Variants in MYO16 observed in about 807,000 individuals in gnomAD.
MYO16 encodes the protein unconventional myosin-XVI.
MYO16 carries 94 observed loss-of-function variants against 205.3 expected under a neutral mutation model. That is an observed-to-expected ratio of 0.46 (90% CI 0.39 to 0.54). The LOEUF is 0.54. MYO16 is among the 20% of genes least tolerant of loss of function. The pLI, the probability that MYO16 is intolerant of heterozygous loss-of-function variation, is 0.00. For synonymous variants in MYO16, 988 were observed against 954.0 expected (o/e 1.04, Z -0.66); for missense variants, 2,315 against 2,387.5 (o/e 0.97, Z 0.63).
intron 1 of MYO16, among the ~76,000 whole-genome samples, chr13:108,652,060 A>T (rs1881029930): frequency 6.6e-6 from 1 of 152,084 alleles, no homozygotes; most frequent in Non-Finnish European, 1.5e-5. Flanking sequence ...CAGTAAAAAA[A>T]AAGTCTTTGG....
chr13:108,966,773 G>C (rs552756099), intron 20 of MYO16, among the ~76,000 whole-genome samples: 2 of 152,184 alleles, frequency 1.3e-5, no homozygotes, highest in East Asian at 1.9e-4. Context: ...TGCAAGAAAA[G>C]GTTATATTTG....
intron 4 of MYO16, among the ~76,000 whole-genome samples, chr13:108,775,142 A>G (rs1886085515): frequency 1.3e-5 from 2 of 152,202 alleles, no homozygotes; most frequent in Admixed American, 1.3e-4. Context: ...CATGAAATTA[A>G]CATCAGCGTG....
At chr13:108,588,652 A>T in the MYO16 span, among the ~76,000 whole-genome samples, 3 of 152,088 alleles carry the variant, frequency 2.0e-5, no homozygotes, top group African/African-American at 7.2e-5. Context: ...TTTGGGAGTC[A>T]TTCATGGTTG....
chr13:108,765,597 A>T (rs760428197), intron 4 of MYO16, among the ~76,000 whole-genome samples: 1 of 152,192 alleles, frequency 6.6e-6, no homozygotes, highest in Non-Finnish European at 1.5e-5. Context: ...TTCTGTCTGC[A>T]GTATGGAGGA....
At chr13:109,000,042 T>C (rs1885162126) in intron 21 of MYO16, among the ~76,000 whole-genome samples, 1 of 152,126 alleles carries the variant, frequency 6.6e-6, no homozygotes, top group African/African-American at 2.4e-5. Context: ...CATTGTAGAG[T>C]ACCAGGATGA....
At chr13:108,831,613 A>T (rs1399749735) in intron 9 of MYO16, among the ~76,000 whole-genome samples, 1 of 152,134 alleles carries the variant, frequency 6.6e-6, no homozygotes, top group African/African-American at 2.4e-5. Context: ...CCTGGGTTCA[A>T]GCGATTCTCT....
At chr13:108,959,847 A>G (rs1428991742) in intron 17 of MYO16, among the ~76,000 whole-genome samples, 2 of 152,234 alleles carry the variant, frequency 1.3e-5, no homozygotes, top group Non-Finnish European at 1.5e-5. Flanking sequence ...TGTAATGCAC[A>G]TTATAGCTAT....
intron 3 of MYO16, among the ~76,000 whole-genome samples, chr13:108,716,814 G>A (rs1314086168): frequency 6.6e-6 from 1 of 152,168 alleles, no homozygotes; most frequent in Non-Finnish European, 1.5e-5. Flanking sequence ...GCTATTAAAG[G>A]TAGATATTTG....
intron 11 of MYO16, among the ~76,000 whole-genome samples, chr13:108,860,193 A>T (rs1264138662): frequency 6.9e-6 from 1 of 145,960 alleles, no homozygotes; most frequent in Non-Finnish European, 1.5e-5. Context: ...GGCCCTGGTG[A>T]CTACCGTTTC....
chr13:108,675,154 A>G (rs1882146588), intron 2 of MYO16, among the ~76,000 whole-genome samples: 4 of 152,226 alleles, frequency 2.6e-5, no homozygotes, highest in Admixed American at 2.6e-4. Flanking sequence ...TGGGGCAGCT[A>G]CAAGGTACAA....
At chr13:109,135,873 A>G (rs1876751478) in intron 31 of MYO16, among the ~76,000 whole-genome samples, 1 of 152,236 alleles carries the variant, frequency 6.6e-6, no homozygotes, top group Admixed American at 6.5e-5. Context: ...AGTGCCCTTG[A>G]TATTCTTAGA....
rs776772475 is a variant in MYO16 at position 108,888,426 on chromosome 13, C to T, written c.1608C>T (p.Leu536=). 2.5e-6 allele frequency: 4 copies of T among 1,612,436 alleles called. No individual in the cohort carries two copies. Among genetic ancestry groups the T allele is most frequent in the Non-Finnish European group, 3.4e-6 (4 of 1,179,466 alleles). ...CCAGCAAACAAATCATAAGACACCT[C>T]ACCTGCAGGGCTGGCGCCAGCAGGG... ...SEASKQIIRH[L]TCRAGASRAT... Residue 536 remains leucine (L), a synonymous_variant, in exon 14 of 35, where the codon CTC becomes CTT. Transcript: ENST00000457511.
At chr13:108,882,251 T>G (rs1043477718) in intron 12 of MYO16, among the ~76,000 whole-genome samples, 1 of 152,338 alleles carries the variant, frequency 6.6e-6, no homozygotes, top group East Asian at 1.9e-4. Flanking sequence ...TGTCACTGAA[T>G]CAAGAGACCT....
At chr13:108,620,177 C>T (rs1879488865) in intron 1 of MYO16, among the ~76,000 whole-genome samples, 1 of 152,106 alleles carries the variant, frequency 6.6e-6, no homozygotes. Context: ...ATAATGCTTA[C>T]CACATAATAA....
In MYO16 at chr13:108,734,981, T is replaced by A. The variant is rs561781371; in HGVS notation, c.507+7398T>A. On this transcript the variant is annotated intron_variant, in intron 4 of 34. Coordinates refer to ENST00000457511, the MANE Select transcript of MYO16 (RefSeq NM_001198950.3). ...AACTGCACACATGGTAGGAGAAAGG[T>A]AGTTATTAGCTAGAACCCCACGCCA... is the stretch of plus-strand genomic sequence containing the variant. Among the ~76,000 whole-genome samples, 210 of 152,174 alleles carry A rather than the reference T, an allele frequency of 1.4e-3. 1 individual carries two copies. The highest frequency in any genetic ancestry group is 2.3e-3 in the Non-Finnish European group (154 of 67,994).
the MYO16 span, among the ~76,000 whole-genome samples, chr13:108,579,741 G>A: frequency 6.6e-6 from 1 of 152,042 alleles, no homozygotes; most frequent in Non-Finnish European, 1.5e-5. Flanking sequence ...GATGGCCAAG[G>A]CAAGCTTTCT....
chr13:108,924,968 T>C (rs2139274291), intron 16 of MYO16, among the ~76,000 whole-genome samples: 1 of 152,320 alleles, frequency 6.6e-6, no homozygotes, highest in African/African-American at 2.4e-5. Flanking sequence ...GTTTTCAACA[T>C]AGGAAAGGGC....
intron 1 of MYO16, among the ~76,000 whole-genome samples, chr13:108,600,498 A>G (rs574897645): frequency 9.8e-5 from 15 of 152,302 alleles, no homozygotes; most frequent in South Asian, 4.1e-4. Context: ...ACCGTTATAC[A>G]TTCAGAAGAC....
In MYO16 at chr13:109,125,071, A is replaced by G; in HGVS notation, c.3536-41A>G. On this transcript the variant is annotated intron_variant, in intron 29 of 34. Transcript: ENST00000457511. The surrounding 1 kb of genome is among the most constrained non-coding windows in gnomAD (Gnocchi z 4.0). ...TTGTTTGTGCATGTCTGAGTTTTTC[A>G]CTTTTCCTCCATTTACTAACCCATG... is the stretch of plus-strand genomic sequence containing the variant. 1 of 1,599,838 alleles carries G rather than the reference A, an allele frequency of 6.3e-7. No homozygotes were observed.
Sources: gnomAD v4.1 joint callset for allele counts (sites outside exome capture counted in the v4.1 genomes callset) on GRCh38, gnomAD v4.1.1 for gene constraint, Gnocchi (gnomAD v3.1) non-coding constraint, MANE v1.5 for transcripts, NCBI Gene and HGNC (gene_info 2026-07-23, HGNC 2026-07-21) for gene names.